ATRNL1: variants seen among roughly 807,000 people sequenced by gnomAD.
ATRNL1 encodes attractin like 1.
A neutral mutation model predicts 182.7 loss-of-function variants in ATRNL1; 95 were observed. The observed-to-expected ratio is 0.52, with a 90% confidence interval of 0.44 to 0.62. ATRNL1 has a LOEUF of 0.62. Ranked by LOEUF, ATRNL1 falls within the 20% of genes least tolerant of loss-of-function variation. The pLI is 0.00. For missense variants in ATRNL1, 1,471 were observed against 1,679.5 expected (o/e 0.88, Z 2.17); for synonymous variants, 576 against 568.3 (o/e 1.01, Z -0.19).
rs1254225768 is a variant in ATRNL1, at chr10:115,929,027, A to G, written c.4019-15631A>G. On this transcript the variant is annotated intron_variant, in intron 28 of 28. Transcript: ENST00000355044. Reference sequence around the variant, plus strand: ...TTAGTGTTCACTATTCACAAAGCCCATTTTGAATACTGATCCTGAAAAACA... The same window carrying G: ...TTAGTGTTCACTATTCACAAAGCCCGTTTTGAATACTGATCCTGAAAAACA... Among the ~76,000 whole-genome samples the G allele has an allele frequency of 2.6e-5, 4 of 152,024 alleles. No individual in the cohort carries two copies. The South Asian group carries it at 8.3e-4, about 31-fold the overall frequency.
intron 5 of ATRNL1, among the ~76,000 whole-genome samples, chr10:115,149,744 A>G (rs1300500639): frequency 6.6e-6 from 1 of 151,326 alleles, no homozygotes; most frequent in African/African-American, 2.4e-5. Context: ...GTATTTTTTG[A>G]GTATCTTTGC....
At chr10:115,396,228 A>G (rs1844281772) in intron 20 of ATRNL1, among the ~76,000 whole-genome samples, 1 of 151,882 alleles carries the variant, frequency 6.6e-6, no homozygotes, top group Non-Finnish European at 1.5e-5. Flanking sequence ...GTTCACAGCA[A>G]AAGATCTTGG....
At chr10:115,386,285 A>G (rs981059723) in intron 19 of ATRNL1, among the ~76,000 whole-genome samples, 1 of 152,196 alleles carries the variant, frequency 6.6e-6, no homozygotes, top group Non-Finnish European at 1.5e-5. Flanking sequence ...TTGTCTCTAA[A>G]TATTTCACAA....
chr10:115,205,900 C>T (rs576966681), intron 8 of ATRNL1, among the ~76,000 whole-genome samples: 1 of 152,090 alleles, frequency 6.6e-6, no homozygotes, highest in South Asian at 2.1e-4. Flanking sequence ...TTGCATTTAC[C>T]CAGAAATTTA....
intron 26 of ATRNL1, among the ~76,000 whole-genome samples, chr10:115,564,705 A>C (rs1301191517): frequency 1.3e-5 from 2 of 151,768 alleles, no homozygotes; most frequent in Non-Finnish European, 2.9e-5. Context: ...CCACTCAATT[A>C]TTCTCTCCTC....
intron 26 of ATRNL1, among the ~76,000 whole-genome samples, chr10:115,692,532 T>C (rs1946426123): frequency 6.6e-6 from 1 of 152,064 alleles, no homozygotes. Flanking sequence ...CAACAGATGT[T>C]AGATTGTTCA....
intron 10 of ATRNL1, among the ~76,000 whole-genome samples, chr10:115,261,975 G>T (rs1011616129): frequency 1.6e-4 from 24 of 152,124 alleles, no homozygotes; most frequent in African/African-American, 4.8e-4. Context: ...GTGTAAGTCT[G>T]TGTAAGAGCT....
chr10:115,728,748 A>T (rs1023425628), intron 27 of ATRNL1, among the ~76,000 whole-genome samples: 16 of 152,050 alleles, frequency 1.1e-4, no homozygotes, highest in African/African-American at 3.9e-4. Flanking sequence ...TGTGTACTTG[A>T]TTTTTTACTA....
At chr10:115,757,674 T>C (rs1948626391) in intron 27 of ATRNL1, among the ~76,000 whole-genome samples, 1 of 152,152 alleles carries the variant, frequency 6.6e-6, no homozygotes, top group Non-Finnish European at 1.5e-5. Flanking sequence ...TTTGTGGTGT[T>C]CTCTGTATTT....
intron 8 of ATRNL1, among the ~76,000 whole-genome samples, chr10:115,197,827 AG>A (rs1444190820): frequency 1.3e-5 from 2 of 152,140 alleles, no homozygotes; most frequent in Non-Finnish European, 2.9e-5. Context: ...CCCGCACGTA[AG>A]TGGGCTCATA....
intron 28 of ATRNL1, among the ~76,000 whole-genome samples, chr10:115,894,456 T>C (rs1482803990): frequency 1.3e-5 from 2 of 150,764 alleles, no homozygotes; most frequent in African/African-American, 4.9e-5. Flanking sequence ...CCCAAGAGAA[T>C]TTTTTTTTCT....
chr10:115,319,826 T>C (rs1564910265), intron 18 of ATRNL1, among the ~76,000 whole-genome samples: 1 of 152,072 alleles, frequency 6.6e-6, no homozygotes, highest in Admixed American at 6.6e-5. Context: ...GCACACTGAT[T>C]GGTCTTGACT....
At chr10:115,638,122 T>G (rs1592988718) in intron 26 of ATRNL1, among the ~76,000 whole-genome samples, 1 of 152,274 alleles carries the variant, frequency 6.6e-6, no homozygotes, top group East Asian at 1.9e-4. Context: ...GCAAACTTCA[T>G]TCATGATAAA....
At chr10:115,298,580 G>A (rs184658214) in intron 15 of ATRNL1, among the ~76,000 whole-genome samples, 78 of 152,142 alleles carry the variant, frequency 5.1e-4, no homozygotes, top group East Asian at 4.4e-3. Flanking sequence ...GACTCCTGCT[G>A]TTATTATCAA....
At chr10:115,676,880 C>T (rs1945880204) in intron 26 of ATRNL1, among the ~76,000 whole-genome samples, 1 of 151,948 alleles carries the variant, frequency 6.6e-6, no homozygotes. Flanking sequence ...GCTTAAATAT[C>T]GAACTTATTT....
intron 26 of ATRNL1, among the ~76,000 whole-genome samples, chr10:115,570,430 G>A (rs1555003133): frequency 6.6e-6 from 1 of 152,150 alleles, no homozygotes; most frequent in Admixed American, 6.5e-5. Context: ...CAAACATGAA[G>A]ATATATTTAT....
intron 1 of ATRNL1, among the ~76,000 whole-genome samples, chr10:115,116,984 C>G (rs1322501665): frequency 6.6e-6 from 1 of 151,952 alleles, no homozygotes; most frequent in Non-Finnish European, 1.5e-5. Flanking sequence ...ACAGTTCCTT[C>G]ACATCACTTA....
chr10:115,394,741 C>G lies in ATRNL1; in HGVS notation c.3258C>G (p.Asp1086Glu). ...GCACAACTAAAGGAATAAAAGGTGACCAATGCCAATTGTAAGTAAGAATGA... is the reference window on the plus strand; with the variant it reads ...GCACAACTAAAGGAATAAAAGGTGAGCAATGCCAATTGTAAGTAAGAATGA... ...CFCTTKGIKGDQCQLCDSENR... is the reference protein window; with the variant it reads ...CFCTTKGIKGEQCQLCDSENR... The change falls in exon 20 of 29, where the codon GAC becomes GAG. Residue 1086 changes from aspartate (D) to glutamate (E), a missense_variant. By Grantham distance (45) the Asp-to-Glu change is conservative. Around this residue, in one of 3 missense-constraint regions of ATRNL1, gnomAD observed 437 missense variants for 506.0 expected, o/e 0.86. Coordinates refer to ENST00000355044, the MANE Select transcript of ATRNL1 (RefSeq NM_207303.4). 1 of 1,597,424 alleles carries G rather than the reference C, an allele frequency of 6.3e-7. No individual in the cohort carries two copies. Among genetic ancestry groups the G allele is most frequent in the Non-Finnish European group, 8.5e-7 (1 of 1,171,938 alleles).
chr10:115,223,132 T>A (rs892755462), intron 9 of ATRNL1, among the ~76,000 whole-genome samples: 1 of 152,030 alleles, frequency 6.6e-6, no homozygotes, highest in Non-Finnish European at 1.5e-5. Context: ...ATACAAAAAA[T>A]TAGCCAGGCA....
Sources: allele counts gnomAD v4.1 joint callset (sites outside exome capture counted in the v4.1 genomes callset), GRCh38; gene constraint gnomAD v4.1.1; regional missense constraint gnomAD v4.1.1; transcripts MANE v1.5; gene names NCBI Gene and HGNC (gene_info 2026-07-23, HGNC 2026-07-21).